Variants in GRIP1 observed in about 807,000 individuals in gnomAD.
The protein encoded by GRIP1 is glutamate receptor interacting protein 1.
A neutral mutation model predicts 129.9 loss-of-function variants in GRIP1; 45 were observed. The ratio of observed to expected loss-of-function variants is 0.35; its 90% confidence interval spans 0.27 to 0.44. The LOEUF is 0.44. GRIP1 is among the 20% of genes least tolerant of loss of function. The probability of loss-of-function intolerance (pLI) is 1.00; values close to 1 mark genes in which losing one functional copy is unlikely to be tolerated. For synonymous variants in GRIP1, 530 were observed against 520.8 expected (o/e 1.02, Z -0.24); for missense variants, 1,196 against 1,396.8 (o/e 0.86, Z 2.29).
chr12:67,044,577 A>T (rs1324611719), intron 1 of GRIP1, among the ~76,000 whole-genome samples: 1 of 152,228 alleles, frequency 6.6e-6, no homozygotes, highest in East Asian at 1.9e-4. Flanking sequence ...AATCATAATT[A>T]CTGTAAAATT....
chr12:66,526,922 G>A lies in GRIP1; in HGVS notation c.502+2909C>T, dbSNP rs201038810. 7.8e-3 allele frequency among the ~76,000 whole-genome samples: 889 copies of A among 114,336 alleles called. 115 individuals carry two copies. Among genetic ancestry groups the A allele is most frequent in the Middle Eastern group, 0.025 (5 of 200 alleles). The allele number at this position is 114,336 out of a possible 152,430, so 75.0% of individuals were successfully genotyped here. A position where few individuals can be genotyped will look rare whatever the true frequency, so the allele number is the denominator to read the frequency against. ...TTTACGCAGCCAAAAAACACATGAA[G>A]AAATGCTCATCATCACTGGCCATCA... On this transcript the variant is annotated intron_variant, in intron 5 of 24. Coordinates refer to ENST00000359742, the MANE Select transcript of GRIP1 (RefSeq NM_001366722.1).
rs527314559 is a variant in GRIP1, at chr12:66,399,619, T to A, written c.1985-5267A>T. The stretch of plus-strand genomic sequence containing the variant: ...TCTGCTCAGCTCTAGTTAACAAAAT[T>A]AATGGAAGCACGGAACAGATGCAAA... On this transcript the variant is annotated intron_variant, in intron 16 of 24. Transcript: ENST00000359742. 2.4e-3 allele frequency among the ~76,000 whole-genome samples: 369 copies of A among 152,066 alleles called. 8 individuals carry two copies. The highest frequency in any genetic ancestry group is 7.9e-3 in the African/African-American group (326 of 41,296).
chr12:66,487,173 C>G (rs1043410792), intron 7 of GRIP1, among the ~76,000 whole-genome samples: 3 of 152,106 alleles, frequency 2.0e-5, no homozygotes, highest in African/African-American at 7.2e-5. Flanking sequence ...CCTCATTGCA[C>G]AAGCTCTGGA....
At chr12:66,653,463 C>G (rs542823545) in intron 1 of GRIP1, among the ~76,000 whole-genome samples, 1 of 152,258 alleles carries the variant, frequency 6.6e-6, no homozygotes, top group South Asian at 2.1e-4. Flanking sequence ...AATCTCACAC[C>G]TCTGTATTAG....
chr12:66,949,675 TG>T (rs1425735199), intron 1 of GRIP1, among the ~76,000 whole-genome samples: 1 of 151,732 alleles, frequency 6.6e-6, no homozygotes, highest in Non-Finnish European at 1.5e-5. Context: ...TTCTTTCTGA[TG>T]GGCCATGGCA....
chr12:66,938,994 A>G (rs577559712), intron 1 of GRIP1, among the ~76,000 whole-genome samples: 2 of 150,882 alleles, frequency 1.3e-5, no homozygotes, highest in South Asian at 4.2e-4. Context: ...TTTCAACACC[A>G]GGGAGCAGGT....
intron 1 of GRIP1, among the ~76,000 whole-genome samples, chr12:66,795,631 C>T (rs1052358084): frequency 6.6e-6 from 1 of 152,096 alleles, no homozygotes; most frequent in Non-Finnish European, 1.5e-5. Flanking sequence ...ATAACTTATT[C>T]CAACAAGCAA....
intron 2 of GRIP1, among the ~76,000 whole-genome samples, chr12:66,594,212 C>A (rs2063956458): frequency 6.6e-6 from 1 of 151,988 alleles, no homozygotes. Flanking sequence ...AGTACATTAG[C>A]CAAACTCTCC....
chr12:66,665,409 T>C (rs1304184587), intron 1 of GRIP1, among the ~76,000 whole-genome samples: 1 of 152,150 alleles, frequency 6.6e-6, no homozygotes, highest in East Asian at 1.9e-4. Flanking sequence ...ACCTATATAA[T>C]CACAACTTAG....
At chr12:66,872,430 C>T (rs929844687) in intron 1 of GRIP1, among the ~76,000 whole-genome samples, 1 of 152,016 alleles carries the variant, frequency 6.6e-6, no homozygotes, top group African/African-American at 2.4e-5. Flanking sequence ...TTCCAACCCT[C>T]CCTGACAATT....
rs115916246 is a variant in GRIP1 at position 66,915,181 on chromosome 12, C to T, written c.58+153869G>A. 2.1e-3 allele frequency among the ~76,000 whole-genome samples: 323 copies of T among 152,278 alleles called. 1 individual carries two copies. The highest frequency in any genetic ancestry group is 7.3e-3 in the African/African-American group (304 of 41,560). ...CTGGAATCTTGCTTTTGAGATGTTGCTTCTGACATGTTCCAAGTAAAGAGT... is the reference window on the plus strand; with the variant it reads ...CTGGAATCTTGCTTTTGAGATGTTGTTTCTGACATGTTCCAAGTAAAGAGT... On this transcript the variant is annotated intron_variant, in intron 1 of 1. Transcript: ENST00000643019.
intron 2 of GRIP1, among the ~76,000 whole-genome samples, chr12:66,596,002 A>G (rs1179827270): frequency 3.3e-5 from 5 of 152,230 alleles, no homozygotes; most frequent in Admixed American, 6.5e-5. Flanking sequence ...CTGAATTGCT[A>G]AAACTATTGT....
rs150411682 is a variant in GRIP1, at chr12:66,756,152, A to G, written c.-420+47901T>C. On this transcript the variant is annotated intron_variant, in intron 1 of 4. Coordinates refer to the GRIP1 transcript ENST00000538373. ...CTCTAGAACTCCTTCATCTTGCAAA[A>G]CTGAAACCCCATGCCCACTGAGCAC... Among the ~76,000 whole-genome samples, 183 of 152,168 alleles carry G rather than the reference A, an allele frequency of 1.2e-3. 1 individual carries two copies. The highest frequency in any genetic ancestry group is 4.0e-3 in the African/African-American group (165 of 41,508).
chr12:66,596,870 G>T lies in GRIP1; in HGVS notation c.113C>A (p.Ala38Asp). Residue 38 changes from alanine to aspartate, a missense_variant, in exon 2 of 25, where the codon GCT becomes GAT. Around this residue, in one of 5 missense-constraint regions of GRIP1, gnomAD observed 217 missense variants for 224.8 expected, o/e 0.97. Coordinates refer to ENST00000359742, the MANE Select transcript of GRIP1 (RefSeq NM_001366722.1). ...ACCTGGGATGCTCTGTCTCCTCACA[G>T]CCAACGCTCCATCAGGCGGCTTTGT... ...SQTKPPDGALAVRRQSIPEEF... is the reference protein window; with the variant it reads ...SQTKPPDGALDVRRQSIPEEF... The T allele has an allele frequency of 6.2e-7, 1 of 1,612,990 alleles. No individual in the cohort carries two copies. The highest frequency in any genetic ancestry group is 8.5e-7 in the Non-Finnish European group (1 of 1,178,990).
chr12:66,976,160 A>C (rs2042148432), intron 1 of GRIP1, among the ~76,000 whole-genome samples: 1 of 152,184 alleles, frequency 6.6e-6, no homozygotes, highest in Non-Finnish European at 1.5e-5. Flanking sequence ...TTAATTTCCC[A>C]TTGGAAAGAT....
intron 2 of GRIP1, among the ~76,000 whole-genome samples, chr12:66,567,128 G>A (rs1490145474): frequency 1.3e-5 from 2 of 152,044 alleles, no homozygotes; most frequent in African/African-American, 4.8e-5. Flanking sequence ...ATCTCCTTCA[G>A]TTCTGCTCTG....
At chr12:66,611,745 A>C (rs2064803183) in intron 1 of GRIP1, among the ~76,000 whole-genome samples, 1 of 152,156 alleles carries the variant, frequency 6.6e-6, no homozygotes, top group Admixed American at 6.6e-5. Flanking sequence ...TTCTGCCATC[A>C]GCAAAGATAA....
In GRIP1 at chr12:66,896,480, G is replaced by GAAAAAAAAAA. The variant is rs5798843; in HGVS notation, c.58+172560_58+172569dup. Among the ~76,000 whole-genome samples, 134 of 107,854 alleles carry GAAAAAAAAAA rather than the reference G, an allele frequency of 1.2e-3. 4 individuals are homozygous for GAAAAAAAAAA. The highest frequency in any genetic ancestry group is 3.1e-3 in the African/African-American group (106 of 33,968). 70.8% of individuals were successfully genotyped at this position (107,854 alleles called of 152,430 possible). ...TGAGAATATTACCTCTGAGGAATTT[G>GAAAAAAAAAA]AAAAAAAAAAAAAAAACTTTGGTGG... is the stretch of plus-strand genomic sequence containing the variant. On this transcript the variant is annotated intron_variant, in intron 1 of 1. Coordinates refer to the GRIP1 transcript ENST00000643019.
At chr12:67,035,296 A>G (rs1451855309) in intron 1 of GRIP1, among the ~76,000 whole-genome samples, 1 of 151,826 alleles carries the variant, frequency 6.6e-6, no homozygotes, top group East Asian at 1.9e-4. Flanking sequence ...TGAATTAGAC[A>G]CCCCCTGCCT....
Sources: gnomAD v4.1 joint callset for allele counts (sites outside exome capture counted in the v4.1 genomes callset) on GRCh38, gnomAD v4.1.1 for gene constraint, gnomAD v4.1.1 regional missense constraint, MANE v1.5 for transcripts, NCBI Gene and HGNC (gene_info 2026-07-23, HGNC 2026-07-21) for gene names.